Variants in MECOM observed in about 807,000 individuals in gnomAD.
MECOM encodes the protein histone-lysine N-methyltransferase MECOM.
In MECOM, 13 loss-of-function variants were observed where a neutral mutation model predicts 116.3. The observed-to-expected ratio is 0.11, with a 90% CI of 0.07 to 0.18. The LOEUF (loss-of-function observed/expected upper bound fraction) is 0.18, where lower values mean the gene tolerates loss of function less well. Among genes scored for constraint, MECOM ranks in the 10% least tolerant of loss-of-function variants. The pLI is 1.00. For synonymous variants in MECOM, 528 were observed against 535.2 expected (o/e 0.99, Z 0.19); for missense variants, 1,299 against 1,509.0 (o/e 0.86, Z 2.31).
chr3:169,270,339 A>G (rs1037816104), intron 2 of MECOM, among the ~76,000 whole-genome samples: 2 of 152,110 alleles, frequency 1.3e-5, no homozygotes, highest in Non-Finnish European at 2.9e-5. Context: ...ACTTTCATGG[A>G]TTATTGAAGT....
At chr3:169,314,601 G>T (rs944157004) in intron 2 of MECOM, among the ~76,000 whole-genome samples, 4 of 152,122 alleles carry the variant, frequency 2.6e-5, no homozygotes, top group African/African-American at 9.7e-5. Flanking sequence ...AGAGAATGAA[G>T]AGAGGACAAT....
chr3:169,283,507 T>A (rs1165361258), intron 2 of MECOM, among the ~76,000 whole-genome samples: 1 of 152,108 alleles, frequency 6.6e-6, no homozygotes, highest in Admixed American at 6.6e-5. Context: ...TAAACAATAA[T>A]AAGACAGAAT....
At chr3:169,412,382 A>G (rs1737704087) in intron 1 of MECOM, among the ~76,000 whole-genome samples, 1 of 151,974 alleles carries the variant, frequency 6.6e-6, no homozygotes. Context: ...TATTACAATG[A>G]TCTTACTCTT....
chr3:169,133,889 C>A (rs1310277979), intron 3 of MECOM: 1 of 1,280,388 alleles, frequency 7.8e-7, no homozygotes, highest in South Asian at 1.2e-5. Flanking sequence ...AAACAATGGA[C>A]TTCTCTCAAC....
Position 169,151,506 on chromosome 3 carries a change from T to C in MECOM, c.376-7674A>G, listed in dbSNP as rs184248445. On this transcript the variant is annotated intron_variant, in intron 2 of 16. Coordinates refer to ENST00000651503, the MANE Select transcript of MECOM (RefSeq NM_004991.4). ...TAACATCTTTGTTTTAACTCTATTT[T>C]TTTGTAGCTTTTCAAGAACGTACAT... is the stretch of plus-strand genomic sequence containing the variant. 6.7e-4 allele frequency among the ~76,000 whole-genome samples: 102 copies of C among 152,326 alleles called. 1 individual carries two copies. The highest frequency in any genetic ancestry group is 2.4e-3 in the African/African-American group (100 of 41,572).
intron 2 of MECOM, among the ~76,000 whole-genome samples, chr3:169,249,953 G>A (rs975535568): frequency 1.3e-5 from 2 of 152,190 alleles, no homozygotes. Context: ...GTTGTGAGCA[G>A]ACATCTCATT....
intron 2 of MECOM, among the ~76,000 whole-genome samples, chr3:169,257,201 C>T (rs924288595): frequency 1.2e-4 from 18 of 152,080 alleles, no homozygotes; most frequent in African/African-American, 4.1e-4. Context: ...AAGCTTTCAG[C>T]GGAGGCTACA....
intron 2 of MECOM, among the ~76,000 whole-genome samples, chr3:169,312,107 A>G (rs973737944): frequency 1.3e-5 from 2 of 152,098 alleles, no homozygotes; most frequent in African/African-American, 2.4e-5. Context: ...AGAGTCTGGA[A>G]CTAACTTATG....
intron 2 of MECOM, among the ~76,000 whole-genome samples, chr3:169,349,413 G>C (rs760114083): frequency 2.0e-5 from 3 of 151,908 alleles, no homozygotes; most frequent in African/African-American, 7.3e-5. Context: ...TCACGCTCTA[G>C]TGGGGGGCCC....
chr3:169,455,555 A>G (rs1260353566), intron 1 of MECOM, among the ~76,000 whole-genome samples: 1 of 152,172 alleles, frequency 6.6e-6, no homozygotes, highest in Non-Finnish European at 1.5e-5. Context: ...TATAAACCCC[A>G]TTATTTCTAT....
At chr3:169,599,595 CAAG>C (rs1269657497) in intron 1 of MECOM, among the ~76,000 whole-genome samples, 1 of 151,122 alleles carries the variant, frequency 6.6e-6, no homozygotes, top group African/African-American at 2.4e-5. Flanking sequence ...AACTTTTAGA[CAAG>C]AATAAGCTGG....
chr3:169,157,835 T>C (rs1381643459), intron 2 of MECOM, among the ~76,000 whole-genome samples: 1 of 152,104 alleles, frequency 6.6e-6, no homozygotes, highest in African/African-American at 2.4e-5. Flanking sequence ...GGGACATGAA[T>C]GGAAATACTT....
chr3:169,549,757 A>G (rs1761154731), intron 1 of MECOM, among the ~76,000 whole-genome samples: 1 of 152,204 alleles, frequency 6.6e-6, no homozygotes, highest in Admixed American at 6.5e-5. Flanking sequence ...AGCTTTTCTG[A>G]AATAAGTGTT....
intron 1 of MECOM, among the ~76,000 whole-genome samples, chr3:169,638,699 T>G (rs1478968138): frequency 1.3e-5 from 2 of 152,122 alleles, no homozygotes; most frequent in Non-Finnish European, 2.9e-5. Flanking sequence ...GTTGACATGG[T>G]TAGTTGCCTC....
At chr3:169,643,204 A>G (rs989305105) in intron 1 of MECOM, among the ~76,000 whole-genome samples, 4 of 152,348 alleles carry the variant, frequency 2.6e-5, no homozygotes, top group African/African-American at 9.6e-5. Context: ...AGGGAGCCTA[A>G]TAATTCAACT....
At chr3:169,469,919 AC>A (rs1273156991) in intron 1 of MECOM, among the ~76,000 whole-genome samples, 2 of 152,084 alleles carry the variant, frequency 1.3e-5, no homozygotes, top group Non-Finnish European at 2.9e-5. Flanking sequence ...GCACTCATTA[AC>A]CCCCAACCAG....
At chr3:169,406,933 T>A (rs984351538) in intron 1 of MECOM, among the ~76,000 whole-genome samples, 4 of 151,348 alleles carry the variant, frequency 2.6e-5, no homozygotes, top group African/African-American at 9.7e-5. Context: ...CCTCCACCTC[T>A]CCCGGATTCA....
At chr3:169,515,099 C>T (rs928822047) in intron 1 of MECOM, among the ~76,000 whole-genome samples, 6 of 151,998 alleles carry the variant, frequency 3.9e-5, no homozygotes, top group Admixed American at 6.6e-5. Flanking sequence ...GAGCTCCAAG[C>T]GGAGCTCCCA....
intron 1 of MECOM, among the ~76,000 whole-genome samples, chr3:169,607,623 C>A (rs1768755324): frequency 6.6e-6 from 1 of 152,210 alleles, no homozygotes; most frequent in African/African-American, 2.4e-5. Context: ...AATAAGCTGG[C>A]ATGGAACAAT....
Sources: allele counts gnomAD v4.1 joint callset (sites outside exome capture counted in the v4.1 genomes callset), GRCh38; gene constraint gnomAD v4.1.1; transcripts MANE v1.5; gene names NCBI Gene and HGNC (gene_info 2026-07-23, HGNC 2026-07-21).